The following IYD variants were observed in gnomAD, a reference collection of about 807,000 sequenced individuals.
IYD encodes iodotyrosine deiodinase 1.
Under a neutral mutation model 28.4 loss-of-function variants are expected in IYD, and 25 were observed. The observed-to-expected ratio is 0.88, with a 90% CI of 0.64 to 1.23. IYD has a LOEUF of 1.23. Ranked by LOEUF, IYD falls within the 50% of genes most tolerant of loss-of-function variation. The pLI is 0.00. For missense variants in IYD, 352 were observed against 357.9 expected (o/e 0.98, Z 0.13); for synonymous variants, 140 against 130.8 (o/e 1.07, Z -0.48).
intron 4 of IYD, 45 bp downstream of exon 4, chr6:150,394,300 T>C (rs1249416329): frequency 1.2e-6 from 2 of 1,608,372 alleles, no homozygotes; most frequent in African/African-American, 1.3e-5. Flanking sequence ...TATTAGAACA[T>C]TTCAGCTGAG....
At chr6:150,383,083 C>T (rs1777710558) in intron 1 of IYD, among the ~76,000 whole-genome samples, 1 of 152,122 alleles carries the variant, frequency 6.6e-6, no homozygotes, top group African/African-American at 2.4e-5. Context: ...TACTTATTTC[C>T]AGGGAAAATG....
At chr6:150,384,168 A>G (rs1416925622) in intron 1 of IYD, 1 of 152,194 alleles carries the variant, frequency 6.6e-6, no homozygotes, top group Non-Finnish European at 1.5e-5. Flanking sequence ...ATATCACAGC[A>G]GACTGATGAT....
At chr6:150,370,458 T>C in intron 1 of IYD, 1 of 982,664 alleles carries the variant, frequency 1.0e-6, no homozygotes, top group Non-Finnish European at 1.2e-6. Flanking sequence ...CATGAGTGTG[T>C]GTCCTAATCT....
At chr6:150,381,502 C>G (rs1777644378) in intron 1 of IYD, among the ~76,000 whole-genome samples, 1 of 152,172 alleles carries the variant, frequency 6.6e-6, no homozygotes, top group Non-Finnish European at 1.5e-5. Context: ...GTATAAAACA[C>G]AGATGAACAG....
At chr6:150,374,841 T>A (rs9480323) in intron 1 of IYD, among the ~76,000 whole-genome samples, 108,609 of 152,046 alleles carry the variant, frequency 0.71, 40,106 homozygotes, top group Middle Eastern at 0.83. Context: ...CACCTCTTAC[T>A]TGGGTGCCAT....
rs531443340 is a variant in IYD, at chr6:150,393,688, T to G, written c.531-411T>G. 2.2e-4 allele frequency among the ~76,000 whole-genome samples: 34 copies of G among 152,344 alleles called. 1 individual carries two copies. In the East Asian group the frequency reaches 6.2e-3, roughly 28 times the overall value. On this transcript the variant is annotated intron_variant, in intron 3 of 4. Coordinates refer to ENST00000344419, the MANE Select transcript of IYD (RefSeq NM_203395.3). ...AAAAATTCAGTTCTGCATTTACACC[T>G]TACATGAATGATCTCCCTCTCCCAC...
At chr6:150,394,921 G>A (rs146388230) in intron 4 of IYD, among the ~76,000 whole-genome samples, 3 of 152,268 alleles carry the variant, frequency 2.0e-5, no homozygotes, top group Non-Finnish European at 2.9e-5. Flanking sequence ...CTTGACCCCC[G>A]GGCTTAAGTG....
At chr6:150,375,323 G>A (rs629163) in intron 1 of IYD, among the ~76,000 whole-genome samples, 108,646 of 152,084 alleles carry the variant, frequency 0.71, 40,113 homozygotes, top group Middle Eastern at 0.83. Flanking sequence ...AGAGCGCAGG[G>A]TGAAGTCATG....
At chr6:150,377,133 G>A (rs1777472606) in intron 1 of IYD, among the ~76,000 whole-genome samples, 1 of 152,204 alleles carries the variant, frequency 6.6e-6, no homozygotes, top group Non-Finnish European at 1.5e-5. Flanking sequence ...AAAGATACAA[G>A]GCAAGTTACT....
Position 150,369,175 on chromosome 6 carries a change from A to G in IYD, c.144A>G (p.Leu48=). 1 of 1,613,716 alleles carries G rather than the reference A, an allele frequency of 6.2e-7. No individual in the cohort carries two copies. Among genetic ancestry groups the G allele is most frequent in the Non-Finnish European group, 8.5e-7 (1 of 1,179,986 alleles). ...CTCGCCCCTGGGTGGATGAAGACTT[A>G]AAAGACAGCAGTGACCTGCACCAAG... The part of the protein sequence containing the change: ...AEARPWVDED[L]KDSSDLHQAE... The change falls in exon 1 of 5, where the codon TTA becomes TTG. Residue 48 remains leucine (L), a synonymous_variant. Coordinates refer to ENST00000344419, the MANE Select transcript of IYD (RefSeq NM_203395.3).
At chr6:150,370,337 G>A (rs957259125) in intron 1 of IYD, 5 of 200,324 alleles carry the variant, frequency 2.5e-5, no homozygotes, top group South Asian at 1.7e-4. Flanking sequence ...GTGAGTGTGC[G>A]TGTGAGTGTG....
At chr6:150,394,382 G>T in intron 4 of IYD, 127 bp downstream of exon 4, 1 of 974,760 alleles carries the variant, frequency 1.0e-6, no homozygotes, top group Non-Finnish European at 1.6e-6. Context: ...TAACTCTGAT[G>T]TGAAAACTGA....
chr6:150,395,121 C>T (rs534038196), intron 4 of IYD, among the ~76,000 whole-genome samples: 5 of 152,320 alleles, frequency 3.3e-5, no homozygotes, highest in Non-Finnish European at 5.9e-5. Flanking sequence ...CATGCCTGGC[C>T]TCTGAGCTCC....
rs1490481161 is a variant in IYD at position 150,402,405 on chromosome 6, G to A, written c.*4168G>A. 1 of 152,236 alleles carries A rather than the reference G, an allele frequency of 6.6e-6. No individual in the cohort carries two copies. The highest frequency in any genetic ancestry group is 1.5e-5 in the Non-Finnish European group (1 of 68,064). The allele number at this position is 152,236 out of a possible 1,614,324, so 9.4% of individuals were successfully genotyped here. On this transcript the variant is annotated 3_prime_UTR_variant, in exon 5 of 5. Transcript: ENST00000344419. ...CAGGAGGTGGAGCAGTGTCGTCAAT[G>A]TTATCATCCCCCTGCACCTGCAAGG...
At chr6:150,395,364 C>T (rs1210403240) in intron 4 of IYD, 1 of 1,511,742 alleles carries the variant, frequency 6.6e-7, no homozygotes, top group Non-Finnish European at 8.9e-7. Flanking sequence ...ATAACACCTC[C>T]CAAAATGTAG....
In IYD at chr6:150,401,774, G is replaced by A. The variant is rs144363928; in HGVS notation, c.*3537G>A. On this transcript the variant is annotated 3_prime_UTR_variant, in exon 5 of 5. Transcript: ENST00000344419. The stretch of plus-strand genomic sequence containing the variant: ...AATAATGGAATGATTGCATCACTGC[G>A]AGGAAGTATACTTAATTAAGAAAGT... 6.0e-4 allele frequency: 91 copies of A among 152,290 alleles called. No homozygotes were observed. Among genetic ancestry groups the A allele is most frequent in the African/African-American group, 2.1e-3 (89 of 41,558 alleles). 9.4% of individuals were successfully genotyped at this position (152,290 alleles called of 1,614,324 possible).
At chr6:150,390,483 T>C (rs966031793) in intron 2 of IYD, among the ~76,000 whole-genome samples, 1 of 152,218 alleles carries the variant, frequency 6.6e-6, no homozygotes, top group African/African-American at 2.4e-5. Flanking sequence ...CAAAGTTAAC[T>C]GGAATCACTC....
At position 150,403,637 on chromosome 6, in the gene IYD, C is replaced by T. The variant is rs1004479249; in HGVS notation, c.*5400C>T. The T allele has an allele frequency of 3.9e-5, 6 of 152,190 alleles. No individual in the cohort carries two copies. Among genetic ancestry groups the T allele is most frequent in the African/African-American group, 1.4e-4 (6 of 41,436 alleles). 9.4% of individuals were successfully genotyped at this position (152,190 alleles called of 1,614,324 possible). ...GGGGCAGGCTCAAGGGAGAACAGCC[C>T]CCAAAGCTAAGATCCTGCCAAGCTA... On this transcript the variant is annotated 3_prime_UTR_variant, in exon 5 of 5. Transcript: ENST00000344419.
At chr6:150,381,600 T>A (rs992100259) in intron 1 of IYD, among the ~76,000 whole-genome samples, 3 of 152,222 alleles carry the variant, frequency 2.0e-5, no homozygotes, top group Non-Finnish European at 4.4e-5. Context: ...AACACCCATA[T>A]GTCCTTCCCC....
Sources: allele counts gnomAD v4.1 joint callset (sites outside exome capture counted in the v4.1 genomes callset), GRCh38; gene constraint gnomAD v4.1.1; transcripts MANE v1.5; gene names NCBI Gene and HGNC (gene_info 2026-07-23, HGNC 2026-07-21).